Variants in PTPRD observed in about 807,000 individuals in gnomAD.
PTPRD encodes receptor-type tyrosine-protein phosphatase delta.
A neutral mutation model predicts 214.5 loss-of-function variants in PTPRD; 34 were observed. The observed-to-expected ratio is 0.16, with a 90% CI of 0.12 to 0.21. The LOEUF (loss-of-function observed/expected upper bound fraction) is 0.21. Ranked by LOEUF, PTPRD falls within the 10% of genes least tolerant of loss-of-function variation. PTPRD has a pLI of 1.00. For synonymous variants in PTPRD, 1,128 were observed against 845.7 expected (o/e 1.33, Z -5.79); for missense variants, 2,545 against 2,398.7 (o/e 1.06, Z -1.27).
At chr9:10,260,883 G>A (rs910739659) in intron 3 of PTPRD, among the ~76,000 whole-genome samples, 5 of 151,612 alleles carry the variant, frequency 3.3e-5, no homozygotes, top group South Asian at 2.1e-4. Context: ...AAATTTAAGC[G>A]TGATTTTCTT....
intron 5 of PTPRD, among the ~76,000 whole-genome samples, chr9:9,869,159 G>A (rs2064794692): frequency 6.6e-6 from 1 of 152,062 alleles, no homozygotes; most frequent in Non-Finnish European, 1.5e-5. Flanking sequence ...TTTATAAATT[G>A]ATAAAGGGAA....
intron 8 of PTPRD, among the ~76,000 whole-genome samples, chr9:9,431,431 T>C (rs550161259): frequency 1.3e-5 from 2 of 152,010 alleles, no homozygotes; most frequent in Admixed American, 1.3e-4. Context: ...TGTGGAGAAA[T>C]AGGAATGCTT....
At chr9:10,387,765 G>A (rs1348871178) in intron 2 of PTPRD, among the ~76,000 whole-genome samples, 3 of 145,802 alleles carry the variant, frequency 2.1e-5, no homozygotes, top group African/African-American at 5.1e-5. Context: ...TTACAGCTGA[G>A]CTAGTCATTA....
intron 3 of PTPRD, among the ~76,000 whole-genome samples, chr9:10,277,615 G>A (rs918280239): frequency 8.5e-5 from 13 of 152,122 alleles, no homozygotes; most frequent in Admixed American, 2.6e-4. Context: ...GATTGTATTC[G>A]AGGGTTAACT....
intron 9 of PTPRD, among the ~76,000 whole-genome samples, chr9:9,354,648 T>A (rs2052973340): frequency 6.6e-6 from 1 of 151,666 alleles, no homozygotes; most frequent in Non-Finnish European, 1.5e-5. Flanking sequence ...AGCCAATAAG[T>A]AAATTATCTA....
At chr9:8,959,984 C>T (rs2154317140) in intron 11 of PTPRD, among the ~76,000 whole-genome samples, 1 of 152,154 alleles carries the variant, frequency 6.6e-6, no homozygotes, top group South Asian at 2.1e-4. Flanking sequence ...ACACTGTGCA[C>T]ATGTTCATTC....
intron 3 of PTPRD, among the ~76,000 whole-genome samples, chr9:10,090,160 A>G (rs1249151025): frequency 6.6e-6 from 1 of 151,584 alleles, no homozygotes; most frequent in African/African-American, 2.4e-5. Flanking sequence ...CTGTTATTTC[A>G]CTTTTTAAAA....
intron 2 of PTPRD, among the ~76,000 whole-genome samples, chr9:10,504,799 A>C (rs1173472734): frequency 3.9e-5 from 6 of 152,158 alleles, no homozygotes; most frequent in Non-Finnish European, 7.3e-5. Flanking sequence ...TCCTTTTTCA[A>C]TTCATTTACC....
chr9:10,028,045 T>G (rs923437019), intron 4 of PTPRD, among the ~76,000 whole-genome samples: 3 of 152,126 alleles, frequency 2.0e-5, no homozygotes, highest in African/African-American at 4.8e-5. Flanking sequence ...TGAATTCCCA[T>G]GTGTTGTGGG....
In PTPRD at chr9:9,392,512, A is replaced by C. The variant is rs185589560; in HGVS notation, c.-203+4937T>G. On this transcript the variant is annotated intron_variant, in intron 9 of 45. Coordinates refer to ENST00000381196, the MANE Select transcript of PTPRD (RefSeq NM_002839.4). ...GTCCTTCTGTTGTCTACCTGCCTGC[A>C]GATGTGTCCTTGCAAGAATGGGATC... Among the ~76,000 whole-genome samples, 149 of 152,276 alleles carry C rather than the reference A, an allele frequency of 9.8e-4. 2 individuals carry two copies. The highest frequency in any genetic ancestry group is 3.6e-3 in the African/African-American group (148 of 41,564).
intron 11 of PTPRD, among the ~76,000 whole-genome samples, chr9:8,761,201 C>G (rs927706310): frequency 2.6e-5 from 4 of 152,080 alleles, no homozygotes; most frequent in Non-Finnish European, 5.9e-5. Context: ...TGTGGTTGTC[C>G]TTGCATCCTA....
chr9:8,443,950 T>A (rs1265231066), intron 34 of PTPRD, among the ~76,000 whole-genome samples: 1 of 152,208 alleles, frequency 6.6e-6, no homozygotes, highest in East Asian at 1.9e-4. Flanking sequence ...TTATGTTTAT[T>A]TTCATCATTT....
chr9:9,467,155 C>T (rs1234896857), intron 8 of PTPRD, among the ~76,000 whole-genome samples: 2 of 150,704 alleles, frequency 1.3e-5, no homozygotes, highest in African/African-American at 2.4e-5. Flanking sequence ...TCCTCACCAT[C>T]CTTTCCTAGA....
At chr9:10,348,298 A>T (rs1193701624) in intron 2 of PTPRD, among the ~76,000 whole-genome samples, 1 of 152,186 alleles carries the variant, frequency 6.6e-6, no homozygotes, top group Non-Finnish European at 1.5e-5. Flanking sequence ...CCAATGATCT[A>T]CTTTCTCAAT....
At chr9:8,511,904 G>C (rs954592286) in intron 21 of PTPRD, among the ~76,000 whole-genome samples, 1 of 151,982 alleles carries the variant, frequency 6.6e-6, no homozygotes, top group African/African-American at 2.4e-5. Flanking sequence ...ATATGTGAAA[G>C]CAACTCCAAG....
intron 9 of PTPRD, among the ~76,000 whole-genome samples, chr9:9,276,457 G>T (rs1307109710): frequency 6.6e-6 from 1 of 151,314 alleles, no homozygotes; most frequent in Non-Finnish European, 1.5e-5. Context: ...TTTTCTCAGA[G>T]ATGGTCTTGG....
intron 9 of PTPRD, among the ~76,000 whole-genome samples, chr9:9,195,716 C>CAA (rs373628761): frequency 0.16 from 20,355 of 130,060 alleles, 1,513 homozygotes; most frequent in East Asian, 0.3. Flanking sequence ...TTTTTAAATG[C>CAA]AAAAAAAAAA....
At chr9:10,464,018 T>C (rs1284175763) in intron 2 of PTPRD, among the ~76,000 whole-genome samples, 1 of 152,080 alleles carries the variant, frequency 6.6e-6, no homozygotes, top group Non-Finnish European at 1.5e-5. Context: ...AAAAAGATAA[T>C]CCTCTGTTAG....
intron 10 of PTPRD, among the ~76,000 whole-genome samples, chr9:9,048,243 AG>A: frequency 6.6e-6 from 1 of 152,150 alleles, no homozygotes; most frequent in Non-Finnish European, 1.5e-5. Flanking sequence ...AGCAGTTTGG[AG>A]GTTCCTCAAA....
Sources: allele counts gnomAD v4.1 joint callset (sites outside exome capture counted in the v4.1 genomes callset), GRCh38; gene constraint gnomAD v4.1.1; transcripts MANE v1.5; gene names NCBI Gene and HGNC (gene_info 2026-07-23, HGNC 2026-07-21).